Variants in VWF observed in about 807,000 individuals in gnomAD.
VWF encodes the protein von Willebrand factor, also known as Factor VIII related antigen.
Under a neutral mutation model 308.6 loss-of-function variants are expected in VWF, and 176 were observed. That is an observed-to-expected ratio of 0.57 (90% CI 0.50 to 0.65). VWF has a LOEUF of 0.65. Among genes scored for constraint, VWF ranks in the 30% least tolerant of loss-of-function variants. The probability of loss-of-function intolerance (pLI) is 0.00; values close to 1 mark genes in which losing one functional copy is unlikely to be tolerated. For synonymous variants in VWF, 1,385 were observed against 1,443.4 expected, an observed-to-expected ratio of 0.96 and a Z score of 0.92; for missense variants, 3,146 against 3,648.2, an observed-to-expected ratio of 0.86 and a Z score of 3.55.
At chr12:6,064,974 G>C (rs1024184911) in intron 11 of VWF, among the ~76,000 whole-genome samples, 163 bp downstream of exon 11, 1 of 152,222 alleles carries the variant, frequency 6.6e-6, no homozygotes, top group African/African-American at 2.4e-5. Context: ...GAGGGGATGG[G>C]CTGGGTTTCT....
rs199831766 is a variant in VWF at position 5,991,951 on chromosome 12, G to A, written c.6666C>T (p.Gly2222=). 9.9e-6 allele frequency: 16 copies of A among 1,614,120 alleles called. No individual in the cohort carries two copies. Among genetic ancestry groups the A allele is most frequent in the Non-Finnish European group, 1.3e-5 (15 of 1,180,060 alleles). Residue 2222 remains glycine, a synonymous_variant, in exon 38 of 52, where the codon GGC becomes GGT. Transcript: ENST00000261405. ...CEHGCPRHCD[G]NVSSCGDHPS... is the part of the protein sequence containing the mutation. ...GATGGTCCCCACAGGAGCTCACGTT[G>A]CCATCACAGTGCCGGGGACAGCCAT...
At chr12:6,088,507 G>A (rs114805829) in intron 6 of VWF, among the ~76,000 whole-genome samples, 1,918 of 148,104 alleles carry the variant, frequency 0.013, 51 homozygotes, top group African/African-American at 0.047. Flanking sequence ...GAGAGAGAGA[G>A]AGAAAGGGGT....
At chr12:5,989,166 C>A (rs1943710735) in intron 38 of VWF, among the ~76,000 whole-genome samples, 1 of 152,202 alleles carries the variant, frequency 6.6e-6, no homozygotes, top group Non-Finnish European at 1.5e-5. Flanking sequence ...CTCCACTGAG[C>A]CAGGGACAGC....
chr12:5,967,746 T>C, intron 46 of VWF, 144 bp from the exon 47 acceptor site: 1 of 788,122 alleles, frequency 1.3e-6, no homozygotes, highest in Non-Finnish European at 2.2e-6. Flanking sequence ...TATGGCCCAC[T>C]GCCTTCCCGT....
rs1800383 is a variant in VWF at position 6,019,004 on chromosome 12, C to G, written c.4414G>C (p.Asp1472His). ...PEAPPPTLPP[D>H]MAQVTVGPGL... is the part of the protein sequence containing the mutation. ...GGGCCCACAGTGACTTGTGCCATGTCGGGGGGCAGAGTAGGAGGAGGGGCT... is the reference window on the plus strand; with the variant it reads ...GGGCCCACAGTGACTTGTGCCATGTGGGGGGGCAGAGTAGGAGGAGGGGCT... Residue 1472 changes from aspartate to histidine, a missense_variant, in exon 28 of 52, where the codon GAC becomes CAC. Asp to His is a moderately conservative substitution (Grantham distance 81). This residue lies in a region of VWF where 853 missense variants were observed against 1,177.8 expected (regional missense o/e 0.72). Coordinates refer to ENST00000261405, the MANE Select transcript of VWF (RefSeq NM_000552.5). This position sits in a 1 kb window ranked among gnomAD's most constrained non-coding sequence, Gnocchi z 5.8. The G allele has an allele frequency of 0.11, 184,118 of 1,613,312 alleles. 17,108 individuals carry two copies. Among genetic ancestry groups the G allele is most frequent in the African/African-American group, 0.51 (38,011 of 74,882 alleles).
At chr12:6,023,041 G>A in intron 25 of VWF, 143 bp from the exon 26 acceptor site, 1 of 466,488 alleles carries the variant, frequency 2.1e-6, no homozygotes, top group South Asian at 2.1e-5. Context: ...GAGACTTCTG[G>A]ATTGTTGAAG....
At chr12:6,012,001 C>T in intron 33 of VWF, 86 bp downstream of exon 33, 1 of 1,530,580 alleles carries the variant, frequency 6.5e-7, no homozygotes, top group Non-Finnish European at 9.1e-7. Context: ...TGGACTAAGA[C>T]CAAAGGAGGA....
In VWF at chr12:6,063,969, C is replaced by A. The variant is rs1021553686; in HGVS notation, c.1432+277G>T. On this transcript the variant is annotated intron_variant, in intron 12 of 51. Transcript: ENST00000261405. The surrounding 1 kb of genome is among the most constrained non-coding windows in gnomAD (Gnocchi z 4.9). Reference sequence around the variant, plus strand: ...CCTTTGGTTCAAGCCAAATAAAAATCCTCTCGGTTCCCTTTTCCCATCTAC... The same window carrying A: ...CCTTTGGTTCAAGCCAAATAAAAATACTCTCGGTTCCCTTTTCCCATCTAC... Among the ~76,000 whole-genome samples, 1 of 152,020 alleles carries A rather than the reference C, an allele frequency of 6.6e-6. No individual in the cohort carries two copies. Among genetic ancestry groups the A allele is most frequent in the African/African-American group, 2.4e-5 (1 of 41,466 alleles).
At chr12:6,122,899 A>G in intron 2 of VWF, 1 of 749,458 alleles carries the variant, frequency 1.3e-6, no homozygotes, top group South Asian at 1.4e-5. Context: ...ATAATATAGG[A>G]CAGTTCTGTG....
Position 6,057,892 on chromosome 12 carries a change from C to T in VWF, c.1686G>A (p.Leu562=). ...AWKLHGDCQD[L]QKQHSDPCAL... is the part of the protein sequence containing the mutation. Reference sequence around the variant, plus strand: ...CGCAGGGATCGCTGTGCTGCTTCTGCAGGTCCTGGCAGTCCCCGTGCAGCT... The same window carrying T: ...CGCAGGGATCGCTGTGCTGCTTCTGTAGGTCCTGGCAGTCCCCGTGCAGCT... The change falls in exon 14 of 52, where the codon CTG becomes CTA. Residue 562 remains leucine, a synonymous_variant. Transcript: ENST00000261405. 2 of 1,611,752 alleles carry T rather than the reference C, an allele frequency of 1.2e-6. No individual in the cohort carries two copies. Among genetic ancestry groups the T allele is most frequent in the Non-Finnish European group, 8.5e-7 (1 of 1,178,800 alleles).
At chr12:6,042,222 G>A (rs1015894727) in intron 18 of VWF, among the ~76,000 whole-genome samples, 9 of 151,838 alleles carry the variant, frequency 5.9e-5, no homozygotes, top group Admixed American at 1.3e-4. Flanking sequence ...ATCTGCCCCC[G>A]GGAAAAAGCC....
At chr12:6,083,123 C>T (rs541616825) in intron 6 of VWF, among the ~76,000 whole-genome samples, 1 of 152,136 alleles carries the variant, frequency 6.6e-6, no homozygotes, top group African/African-American at 2.4e-5. Flanking sequence ...ACTTTCAAAG[C>T]GTGTGACTTT....
In VWF at chr12:5,996,140, G is replaced by A; in HGVS notation, c.5925C>T (p.Val1975=). ...GGTCCTGCTCCTTGTTTTGAAATAG[G>A]ACATAAGAACAGCTGCCAGTCAGCT... The part of the protein sequence containing the change: ...NFKLTGSCSY[V]LFQNKEQDLE... Residue 1975 remains valine (V), a synonymous_variant, in exon 35 of 52, where the codon GTC becomes GTT. Coordinates refer to ENST00000261405, the MANE Select transcript of VWF (RefSeq NM_000552.5). 2 of 1,614,094 alleles carry A rather than the reference G, an allele frequency of 1.2e-6. No homozygotes were observed. Among genetic ancestry groups the A allele is most frequent in the Non-Finnish European group, 8.5e-7 (1 of 1,180,036 alleles).
intron 46 of VWF, 42 bp from the exon 47 acceptor site, chr12:5,967,644 C>G: frequency 6.4e-7 from 1 of 1,561,042 alleles, no homozygotes; most frequent in Non-Finnish European, 8.8e-7. Context: ...CAGCATCCCC[C>G]AACCCCCCAC....
intron 5 of VWF, among the ~76,000 whole-genome samples, chr12:6,107,577 CAG>C (rs563693360): frequency 1.3e-5 from 2 of 152,262 alleles, no homozygotes; most frequent in East Asian, 1.9e-4. Context: ...ATACTAATAT[CAG>C]ACAGATTGAA....
intron 5 of VWF, among the ~76,000 whole-genome samples, chr12:6,103,406 G>GTA (rs1209902375): frequency 3.5e-5 from 4 of 115,934 alleles, no homozygotes; most frequent in South Asian, 4.7e-4. Context: ...ACACGTGTGT[G>GTA]TATACACACG....
At chr12:6,038,255 C>T (rs73034862) in intron 18 of VWF, among the ~76,000 whole-genome samples, 2 of 152,196 alleles carry the variant, frequency 1.3e-5, no homozygotes, top group Non-Finnish European at 2.9e-5. Flanking sequence ...TGAGGCCCAC[C>T]ACCTAGTGGC....
At chr12:6,124,132 A>G (rs964766712) in intron 1 of VWF, among the ~76,000 whole-genome samples, 2 of 152,184 alleles carry the variant, frequency 1.3e-5, no homozygotes, top group African/African-American at 4.8e-5. Context: ...ACGCAGGTAC[A>G]TTCAGCTGCT....
At chr12:6,048,889 T>C (rs1426206233) in intron 16 of VWF, among the ~76,000 whole-genome samples, 1 of 152,248 alleles carries the variant, frequency 6.6e-6, no homozygotes, top group Non-Finnish European at 1.5e-5. Flanking sequence ...GGTTTTTAAC[T>C]AATACCTAGT....
Sources: gnomAD v4.1 joint callset for allele counts (sites outside exome capture counted in the v4.1 genomes callset) on GRCh38, gnomAD v4.1.1 for gene constraint, gnomAD v4.1.1 regional missense constraint, Gnocchi (gnomAD v3.1) non-coding constraint, MANE v1.5 for transcripts, NCBI Gene and HGNC (gene_info 2026-07-23, HGNC 2026-07-21) for gene names.